The following CHRM3 variants were observed in gnomAD, a reference collection of about 807,000 sequenced individuals.
CHRM3 encodes the protein muscarinic acetylcholine receptor M3.
In CHRM3, 11 loss-of-function variants were observed where a neutral mutation model predicts 41.8. The ratio of observed to expected loss-of-function variants is 0.26; its 90% CI spans 0.17 to 0.44. The LOEUF (loss-of-function observed/expected upper bound fraction) is 0.44. Among genes scored for constraint, CHRM3 ranks in the 20% least tolerant of loss-of-function variants. The probability of loss-of-function intolerance (pLI) is 1.00; values close to 1 mark genes in which losing one functional copy is unlikely to be tolerated. For missense variants in CHRM3, 571 were observed against 745.4 expected (o/e 0.77, Z 2.72); for synonymous variants, 297 against 301.4 (o/e 0.99, Z 0.15).
chr1:239,669,992 T>C (rs1178706021), intron 4 of CHRM3, among the ~76,000 whole-genome samples: 1 of 152,198 alleles, frequency 6.6e-6, no homozygotes, highest in African/African-American at 2.4e-5. Context: ...TATTCAATAT[T>C]AAAGATGACT....
intron 6 of CHRM3, among the ~76,000 whole-genome samples, chr1:239,891,105 A>C (rs1480463124): frequency 6.6e-6 from 1 of 152,150 alleles, no homozygotes; most frequent in Non-Finnish European, 1.5e-5. Flanking sequence ...GTATATGCAT[A>C]TGTGCCCCTT....
chr1:239,501,190 A>G (rs530532369), intron 2 of CHRM3, among the ~76,000 whole-genome samples: 39 of 152,346 alleles, frequency 2.6e-4, no homozygotes, highest in South Asian at 1.0e-3. Flanking sequence ...GGGGACTTCA[A>G]TACTCCACTG....
chr1:239,708,205 A>G (rs1417088402), intron 5 of CHRM3, among the ~76,000 whole-genome samples: 2 of 152,210 alleles, frequency 1.3e-5, no homozygotes, highest in African/African-American at 4.8e-5. Flanking sequence ...GTGGTGGTTC[A>G]GGCCAAAACC....
At chr1:239,481,539 T>G (rs1175280247) in intron 1 of CHRM3, among the ~76,000 whole-genome samples, 1 of 152,230 alleles carries the variant, frequency 6.6e-6, no homozygotes, top group Non-Finnish European at 1.5e-5. Flanking sequence ...TATGTTTTTC[T>G]TTTCTTTGAA....
intron 1 of CHRM3, among the ~76,000 whole-genome samples, chr1:239,437,560 G>A (rs1198678485): frequency 2.0e-5 from 3 of 151,718 alleles, no homozygotes; most frequent in South Asian, 2.1e-4. Context: ...TTTTTGAGAC[G>A]GAGTCTCTCT....
chr1:239,782,241 T>C (rs1668560647), intron 5 of CHRM3, among the ~76,000 whole-genome samples: 1 of 42,290 alleles, frequency 2.4e-5, no homozygotes, highest in African/African-American at 9.3e-5. Context: ...CTGGGACTAG[T>C]GTTTCCATTT....
chr1:239,794,966 C>T (rs574738258), intron 5 of CHRM3, among the ~76,000 whole-genome samples: 124 of 152,232 alleles, frequency 8.1e-4, no homozygotes, highest in African/African-American at 2.9e-3. Flanking sequence ...TCCAAAAATA[C>T]TTACACCATG....
intron 6 of CHRM3, among the ~76,000 whole-genome samples, chr1:239,868,345 G>A (rs533958551): frequency 3.8e-4 from 58 of 152,224 alleles, no homozygotes; most frequent in African/African-American, 1.3e-3. Context: ...ACATTTACTC[G>A]TTCACATGGT....
chr1:239,789,327 T>C (rs1384747636), intron 5 of CHRM3, among the ~76,000 whole-genome samples: 1 of 152,144 alleles, frequency 6.6e-6, no homozygotes, highest in Non-Finnish European at 1.5e-5. Context: ...GATTAAGCAG[T>C]CTCTGAACAA....
chr1:239,520,216 G>A (rs1669549270), intron 2 of CHRM3, among the ~76,000 whole-genome samples: 1 of 152,170 alleles, frequency 6.6e-6, no homozygotes, highest in African/African-American at 2.4e-5. Context: ...AGGAGTATGT[G>A]GGGATGAGAA....
chr1:239,679,943 T>G (rs944395673), intron 5 of CHRM3, among the ~76,000 whole-genome samples: 2 of 152,006 alleles, frequency 1.3e-5, no homozygotes, highest in Admixed American at 6.6e-5. Flanking sequence ...GAGATACTGG[T>G]TCTCCGGCTT....
At chr1:239,448,341 G>C (rs1185374790) in intron 1 of CHRM3, among the ~76,000 whole-genome samples, 1 of 152,128 alleles carries the variant, frequency 6.6e-6, no homozygotes, top group African/African-American at 2.4e-5. Context: ...AGGAGTTTTA[G>C]TCACTGATTA....
chr1:239,811,264 A>C (rs995534940), intron 5 of CHRM3, among the ~76,000 whole-genome samples: 13 of 152,170 alleles, frequency 8.5e-5, no homozygotes, highest in African/African-American at 1.2e-4. Flanking sequence ...AGCTCTTATG[A>C]TGTGGCAGCA....
intron 6 of CHRM3, among the ~76,000 whole-genome samples, chr1:239,834,820 C>T (rs1443776558): frequency 6.6e-6 from 1 of 152,106 alleles, no homozygotes; most frequent in Non-Finnish European, 1.5e-5. Flanking sequence ...GATCTAGTAC[C>T]ACACTCAATG....
intron 4 of CHRM3, among the ~76,000 whole-genome samples, chr1:239,661,318 C>T (rs191984535): frequency 6.6e-6 from 1 of 152,290 alleles, no homozygotes; most frequent in East Asian, 1.9e-4. Flanking sequence ...TCTTAGCAAG[C>T]ACTTAACAAC....
intron 5 of CHRM3, among the ~76,000 whole-genome samples, chr1:239,825,233 C>A (rs886792731): frequency 3.9e-5 from 6 of 152,332 alleles, no homozygotes; most frequent in Non-Finnish European, 8.8e-5. Context: ...GCATTCTCCT[C>A]ATCTATTCAG....
chr1:239,535,745 T>G (rs1236765159), intron 2 of CHRM3, among the ~76,000 whole-genome samples: 5 of 152,096 alleles, frequency 3.3e-5, no homozygotes, highest in Non-Finnish European at 5.9e-5. Flanking sequence ...TTGAAACTTC[T>G]GAAGCTTGTT....
At chr1:239,508,844 C>T (rs568376459) in intron 2 of CHRM3, among the ~76,000 whole-genome samples, 6 of 152,180 alleles carry the variant, frequency 3.9e-5, no homozygotes, top group South Asian at 2.1e-4. Flanking sequence ...CGTCTCTTTA[C>T]GTATTCTTTA....
intron 4 of CHRM3, among the ~76,000 whole-genome samples, chr1:239,663,203 G>T (rs770552097): frequency 1.3e-5 from 2 of 151,948 alleles, no homozygotes; most frequent in Non-Finnish European, 2.9e-5. Flanking sequence ...CACCTGCTTT[G>T]CATGTCTCTG....
Sources: allele counts gnomAD v4.1 joint callset (sites outside exome capture counted in the v4.1 genomes callset), GRCh38; gene constraint gnomAD v4.1.1; transcripts MANE v1.5; gene names NCBI Gene and HGNC (gene_info 2026-07-23, HGNC 2026-07-21).